KCNMA1: variants seen among roughly 807,000 people sequenced by gnomAD.
The protein encoded by KCNMA1 is potassium calcium-activated channel subfamily M alpha 1.
KCNMA1 carries 29 observed loss-of-function variants against 140.0 expected under a neutral mutation model. That is an observed-to-expected ratio of 0.21 (90% CI 0.15 to 0.28). The LOEUF is 0.28. KCNMA1 is among the 10% of genes least tolerant of loss of function. KCNMA1 has a pLI of 1.00. For synonymous variants in KCNMA1, 612 were observed against 611.9 expected (o/e 1.00, Z 0.00); for missense variants, 880 against 1,602.2 (o/e 0.55, Z 7.70).
intron 12 of KCNMA1, among the ~76,000 whole-genome samples, chr10:77,079,951 T>C (rs1391500043): frequency 6.6e-6 from 1 of 152,212 alleles, no homozygotes; most frequent in Non-Finnish European, 1.5e-5. Flanking sequence ...TACAGGCACA[T>C]ACCAGGTCCT....
chr10:77,190,860 A>G lies in KCNMA1; in HGVS notation c.603-5944T>C, dbSNP rs182591264. On this transcript the variant is annotated intron_variant, in intron 3 of 27. Coordinates refer to ENST00000286628, the MANE Select transcript of KCNMA1 (RefSeq NM_001161352.2). ...CTCCTAGTTATCCAACTGATTAAAGATGAATGACCCTTCAAGTGGCCCAAT... is the reference window on the plus strand; with the variant it reads ...CTCCTAGTTATCCAACTGATTAAAGGTGAATGACCCTTCAAGTGGCCCAAT... Among the ~76,000 whole-genome samples the G allele has an allele frequency of 1.7e-3, 257 of 152,230 alleles. No individual in the cohort carries two copies. The Middle Eastern group carries it at 0.02, about 12-fold the overall frequency.
rs1469074938 is a variant in KCNMA1 at position 77,312,676 on chromosome 10, C to T, written c.541-61420G>A. On this transcript the variant is annotated intron_variant, in intron 2 of 27. Transcript: ENST00000286628. ...TAAAAACACGGCAATGCTTCCAGGG[C>T]TGGATTTAGGGGAGAAAAGGGAGTA... 2.0e-5 allele frequency among the ~76,000 whole-genome samples: 3 copies of T among 152,078 alleles called. No individual in the cohort carries two copies. The East Asian group carries it at 5.8e-4, about 29-fold the overall frequency.
intron 1 of KCNMA1, among the ~76,000 whole-genome samples, chr10:77,552,565 G>C (rs567274695): frequency 6.6e-6 from 1 of 152,324 alleles, no homozygotes; most frequent in African/African-American, 2.4e-5. Flanking sequence ...TGATACATGT[G>C]TGTGCTGCTC....
intron 1 of KCNMA1, among the ~76,000 whole-genome samples, chr10:77,467,521 G>T (rs537390037): frequency 2.0e-5 from 3 of 152,202 alleles, no homozygotes; most frequent in South Asian, 2.1e-4. Flanking sequence ...AGAATCCAGT[G>T]GCAGAACTCT....
intron 23 of KCNMA1, among the ~76,000 whole-genome samples, chr10:76,936,661 T>C (rs974226826): frequency 6.6e-6 from 1 of 152,046 alleles, no homozygotes; most frequent in Non-Finnish European, 1.5e-5. Flanking sequence ...TGAGGATACA[T>C]GTATAGGTGC....
chr10:77,221,324 T>G (rs1411111256), intron 3 of KCNMA1, among the ~76,000 whole-genome samples: 1 of 152,150 alleles, frequency 6.6e-6, no homozygotes, highest in African/African-American at 2.4e-5. Context: ...CTAATTAGCT[T>G]AACCTGGGAT....
intron 5 of KCNMA1, among the ~76,000 whole-genome samples, chr10:77,137,874 T>A (rs1420923196): frequency 1.3e-5 from 2 of 152,136 alleles, no homozygotes; most frequent in Non-Finnish European, 2.9e-5. Flanking sequence ...CTCGACCTCC[T>A]GGGCTCAAGT....
intron 1 of KCNMA1, chr10:77,499,027 T>C (rs1390100386): frequency 6.6e-6 from 1 of 152,240 alleles, no homozygotes; most frequent in Non-Finnish European, 1.5e-5. Context: ...GGAGTTGTTC[T>C]GAGGTAATGC....
chr10:77,554,615 AAAAG>A (rs1420986952), intron 1 of KCNMA1, among the ~76,000 whole-genome samples: 130 of 144,794 alleles, frequency 9.0e-4, no homozygotes, highest in African/African-American at 3.3e-3. Flanking sequence ...AAAAAAAAAA[AAAAG>A]AAAGAAAGAA....
At chr10:77,518,186 C>T (rs909389689) in intron 1 of KCNMA1, among the ~76,000 whole-genome samples, 1 of 152,214 alleles carries the variant, frequency 6.6e-6, no homozygotes, top group Admixed American at 6.5e-5. Flanking sequence ...TTCCCCATTG[C>T]ACTCACATCA....
intron 1 of KCNMA1, among the ~76,000 whole-genome samples, chr10:77,451,455 C>T (rs1035638756): frequency 1.4e-4 from 21 of 152,068 alleles, no homozygotes; most frequent in Non-Finnish European, 1.9e-4. Context: ...CCAGTCCAGG[C>T]GAGTAGGTGA....
intron 1 of KCNMA1, among the ~76,000 whole-genome samples, chr10:77,431,761 G>A (rs2097159321): frequency 6.8e-6 from 1 of 146,712 alleles, no homozygotes; most frequent in African/African-American, 2.5e-5. Context: ...ACTTTGGGAA[G>A]CCGATGCGGA....
At chr10:77,332,525 C>A (rs2154366990) in intron 2 of KCNMA1, among the ~76,000 whole-genome samples, 1 of 152,304 alleles carries the variant, frequency 6.6e-6, no homozygotes, top group South Asian at 2.1e-4. Context: ...AACCCCACCT[C>A]CCCACCTGCT....
chr10:76,918,383 A>G (rs1205563780), intron 23 of KCNMA1, among the ~76,000 whole-genome samples: 1 of 152,192 alleles, frequency 6.6e-6, no homozygotes, highest in Non-Finnish European at 1.5e-5. Flanking sequence ...CTATCACCAG[A>G]TGGGCTCCTG....
At chr10:77,561,108 A>G (rs2066235657) in intron 1 of KCNMA1, among the ~76,000 whole-genome samples, 2 of 139,608 alleles carry the variant, frequency 1.4e-5, no homozygotes, top group Admixed American at 1.5e-4. Flanking sequence ...GAAACTAACT[A>G]GAACTATATA....
intron 10 of KCNMA1, among the ~76,000 whole-genome samples, chr10:77,086,827 G>A (rs1232644138): frequency 2.0e-5 from 3 of 152,102 alleles, no homozygotes; most frequent in Non-Finnish European, 2.9e-5. Flanking sequence ...GCTTTAGGAA[G>A]GCCAAGACCT....
At chr10:77,380,352 C>T (rs1429382323) in intron 2 of KCNMA1, among the ~76,000 whole-genome samples, 1 of 152,152 alleles carries the variant, frequency 6.6e-6, no homozygotes, top group Non-Finnish European at 1.5e-5. Context: ...GGAAGCCCAG[C>T]CTGGTCTCTA....
chr10:76,966,577 CT>C (rs1565241394), intron 20 of KCNMA1, among the ~76,000 whole-genome samples: 1 of 152,158 alleles, frequency 6.6e-6, no homozygotes, highest in East Asian at 1.9e-4. Flanking sequence ...TTGTGCCCCC[CT>C]AGGACTTTAC....
intron 1 of KCNMA1, among the ~76,000 whole-genome samples, chr10:77,496,066 C>A (rs2041809199): frequency 1.3e-5 from 2 of 152,126 alleles, no homozygotes; most frequent in South Asian, 4.1e-4. Flanking sequence ...AGAAGGTGGT[C>A]CTTGAAAGCT....
Sources: gnomAD v4.1 joint callset for allele counts (sites outside exome capture counted in the v4.1 genomes callset) on GRCh38, gnomAD v4.1.1 for gene constraint, MANE v1.5 for transcripts, NCBI Gene and HGNC (gene_info 2026-07-23, HGNC 2026-07-21) for gene names.